Variants in NAALADL2 observed in about 807,000 individuals in gnomAD.
NAALADL2 encodes the protein N-acetylated alpha-linked acidic dipeptidase like 2.
Under a neutral mutation model 87.2 loss-of-function variants are expected in NAALADL2, and 76 were observed. The observed-to-expected ratio is 0.87, with a 90% CI of 0.72 to 1.05. The LOEUF (loss-of-function observed/expected upper bound fraction) is 1.05, where lower values mean the gene tolerates loss of function less well. Ranked by LOEUF, NAALADL2 falls within the 50% of genes least tolerant of loss-of-function variation. NAALADL2 has a pLI of 0.00. For missense variants in NAALADL2, 1,089 were observed against 945.8 expected, an observed-to-expected ratio of 1.15 and a Z score of -1.99; for synonymous variants, 354 against 331.0, an observed-to-expected ratio of 1.07 and a Z score of -0.75.
chr3:175,448,912 C>T (rs966100932), intron 6 of NAALADL2, among the ~76,000 whole-genome samples: 45 of 152,004 alleles, frequency 3.0e-4, no homozygotes, highest in African/African-American at 1.0e-3. Flanking sequence ...CACAGGGTCT[C>T]GCTAAGTTGC....
In NAALADL2 at chr3:175,287,999, T is replaced by G. The variant is rs980119824; in HGVS notation, c.939+31469T>G. On this transcript the variant is annotated intron_variant, in intron 4 of 13. Transcript: ENST00000454872. ...TCACTACTAACATTGCATGTTTATA[T>G]GATCATATAACATCTTATGATACAT... 2.0e-5 allele frequency among the ~76,000 whole-genome samples: 3 copies of G among 152,242 alleles called. No homozygotes were observed. In the East Asian group the frequency reaches 5.8e-4, roughly 29 times the overall value.
At chr3:174,485,350 A>G (rs1717786303) in intron 1 of NAALADL2, among the ~76,000 whole-genome samples, 1 of 151,796 alleles carries the variant, frequency 6.6e-6, no homozygotes, top group Non-Finnish European at 1.5e-5. Context: ...TTATATAGGT[A>G]AACTTGTGTC....
intron 2 of NAALADL2, among the ~76,000 whole-genome samples, chr3:174,654,017 C>G (rs1405475080): frequency 6.7e-6 from 1 of 150,182 alleles, no homozygotes; most frequent in Non-Finnish European, 1.5e-5. Context: ...TTTATTTAGG[C>G]TTCTTCTCTT....
intron 11 of NAALADL2, among the ~76,000 whole-genome samples, chr3:175,673,072 A>G (rs1220086086): frequency 6.6e-6 from 1 of 152,176 alleles, no homozygotes; most frequent in Non-Finnish European, 1.5e-5. Context: ...CTGCTCTTGC[A>G]AGGTTATTTC....
In NAALADL2 at chr3:175,344,210, C is replaced by T. The variant is rs535137724; in HGVS notation, c.1090+19885C>T. 2.6e-4 allele frequency among the ~76,000 whole-genome samples: 39 copies of T among 152,210 alleles called. No individual in the cohort carries two copies. The South Asian group carries it at 3.1e-3, about 12-fold the overall frequency. On this transcript the variant is annotated intron_variant, in intron 5 of 13. Coordinates refer to ENST00000454872, the MANE Select transcript of NAALADL2 (RefSeq NM_207015.3). ...TTGTATTTGGCAGTTTCTTTACCAG[C>T]TGCATAAAAATCAGCATTTCTTTCA...
At chr3:174,917,594 T>G (rs1024239536) in intron 1 of NAALADL2, among the ~76,000 whole-genome samples, 3 of 152,162 alleles carry the variant, frequency 2.0e-5, no homozygotes, top group African/African-American at 7.2e-5. Context: ...GACACACTAT[T>G]ATCTTGCCCA....
At chr3:174,926,678 C>T (rs1258313935) in intron 1 of NAALADL2, among the ~76,000 whole-genome samples, 1 of 152,038 alleles carries the variant, frequency 6.6e-6, no homozygotes, top group Non-Finnish European at 1.5e-5. Flanking sequence ...CACCACCAGG[C>T]CTGCCCTAAA....
At chr3:174,467,085 T>C (rs1716581230) in intron 1 of NAALADL2, among the ~76,000 whole-genome samples, 4 of 152,202 alleles carry the variant, frequency 2.6e-5, no homozygotes, top group Admixed American at 2.6e-4. Flanking sequence ...TGTGGAACTC[T>C]GTATTTTCCA....
intron 1 of NAALADL2, among the ~76,000 whole-genome samples, chr3:174,507,688 A>G (rs916139276): frequency 2.1e-5 from 3 of 142,556 alleles, no homozygotes; most frequent in African/African-American, 4.9e-5. Flanking sequence ...TTTTTCACTC[A>G]GGATAATGCT....
In NAALADL2 at chr3:174,455,980, G is replaced by A. The variant is rs148234960; in HGVS notation, c.-184+14948G>A. Among the ~76,000 whole-genome samples the A allele has an allele frequency of 1.0e-2, 1,518 of 152,158 alleles. 32 individuals carry two copies. Among genetic ancestry groups the A allele is most frequent in the African/African-American group, 0.035 (1,460 of 41,514 alleles). On this transcript the variant is annotated intron_variant, in intron 1 of 3. Transcript: ENST00000434257. ...AAAACCCCATAGTCTCAGCCCAAAA[G>A]CTCCTTAAGCTGATAAACAACTTAA...
At chr3:174,580,686 A>G (rs562217769) in intron 2 of NAALADL2, among the ~76,000 whole-genome samples, 1 of 152,098 alleles carries the variant, frequency 6.6e-6, no homozygotes, top group Non-Finnish European at 1.5e-5. Context: ...TCAATACTTC[A>G]TTCCTTCTTA....
At chr3:175,567,423 C>G (rs775839996) in intron 9 of NAALADL2, among the ~76,000 whole-genome samples, 1 of 151,474 alleles carries the variant, frequency 6.6e-6, no homozygotes, top group African/African-American at 2.4e-5. Flanking sequence ...CTCATTAGTA[C>G]ATAATGAAAT....
At chr3:175,659,514 T>A (rs1211470307) in intron 11 of NAALADL2, among the ~76,000 whole-genome samples, 1 of 152,178 alleles carries the variant, frequency 6.6e-6, no homozygotes, top group Admixed American at 6.5e-5. Flanking sequence ...TATTATTGCT[T>A]GAATTTTTAG....
At chr3:174,455,579 A>T (rs1715780158) in intron 1 of NAALADL2, among the ~76,000 whole-genome samples, 1 of 152,198 alleles carries the variant, frequency 6.6e-6, no homozygotes, top group Non-Finnish European at 1.5e-5. Flanking sequence ...TACAGAAATC[A>T]GTAAGTGTGA....
chr3:174,654,125 A>G (rs1190536376), intron 2 of NAALADL2, among the ~76,000 whole-genome samples: 1 of 151,248 alleles, frequency 6.6e-6, no homozygotes, highest in African/African-American at 2.4e-5. Context: ...TACATAATTT[A>G]TATCCTTGGC....
intron 12 of NAALADL2, among the ~76,000 whole-genome samples, chr3:175,740,136 A>G (rs1745041888): frequency 6.6e-6 from 1 of 152,186 alleles, no homozygotes; most frequent in Admixed American, 6.5e-5. Context: ...TAATAGAAAA[A>G]CAAGCGAATC....
At chr3:175,519,925 T>C (rs960425662) in intron 9 of NAALADL2, among the ~76,000 whole-genome samples, 6 of 152,218 alleles carry the variant, frequency 3.9e-5, no homozygotes, top group Non-Finnish European at 8.8e-5. Context: ...CAAATCAATC[T>C]GTTTTTATAC....
intron 4 of NAALADL2, among the ~76,000 whole-genome samples, chr3:175,279,391 C>G (rs1753988313): frequency 2.6e-5 from 4 of 152,088 alleles, no homozygotes; most frequent in African/African-American, 9.7e-5. Flanking sequence ...GATAAACCAC[C>G]TTAATGTGGA....
chr3:175,436,364 C>A (rs1718672741), intron 5 of NAALADL2, among the ~76,000 whole-genome samples: 1 of 149,200 alleles, frequency 6.7e-6, no homozygotes, highest in Non-Finnish European at 1.5e-5. Context: ...GGGTATATAC[C>A]CACTAATGGG....
Sources: allele counts gnomAD v4.1 joint callset (sites outside exome capture counted in the v4.1 genomes callset), GRCh38; gene constraint gnomAD v4.1.1; transcripts MANE v1.5; gene names NCBI Gene and HGNC (gene_info 2026-07-23, HGNC 2026-07-21).